The following FLG variants were observed in gnomAD, a reference collection of about 807,000 sequenced individuals.
The protein encoded by FLG is filaggrin.
A neutral mutation model predicts 3.8 loss-of-function variants in FLG; 6 were observed. The observed-to-expected ratio is 1.60, with a 90% CI of 0.87 to 3.15. The LOEUF (loss-of-function observed/expected upper bound fraction) is 3.15. FLG is among the 30% of genes most tolerant of loss of function. The pLI is 0.00. For synonymous variants in FLG, 2,551 were observed against 1,931.6 expected, an observed-to-expected ratio of 1.32 and a Z score of -8.41; for missense variants, 7,595 against 5,050.9, an observed-to-expected ratio of 1.50 and a Z score of -15.27.
rs201416506 is a variant in FLG at position 152,313,075 on chromosome 1, C to A, written c.1811G>T (p.Gly604Val). ...CCTGGGCCCCGATGATTGTCCCTGG[C>A]CCACCTGTGAGTGTCTAGAGCTGTC... ...QADSSRHSQVGQGQSSGPRTS... is the reference protein window; with the variant it reads ...QADSSRHSQVVQGQSSGPRTS... Residue 604 changes from glycine (G) to valine (V), a missense_variant, in exon 3 of 3, where the codon GGC (glycine) becomes GTC (valine). By Grantham distance (109) the Gly-to-Val change is moderately radical. Coordinates refer to ENST00000368799, the MANE Select transcript of FLG (RefSeq NM_002016.2). 5 of 1,613,958 alleles carry A rather than the reference C, an allele frequency of 3.1e-6. No individual in the cohort carries two copies. The highest frequency in any genetic ancestry group is 3.3e-5 in the Admixed American group (2 of 60,008).
Position 152,310,880 on chromosome 1 carries a change from A to G in FLG, c.4006T>C (p.Ser1336Pro), listed in dbSNP as rs765966661. Residue 1336 changes from serine (S) to proline (P), a missense_variant, in exon 3 of 3, where the codon TCT (serine) becomes CCT (proline). Transcript: ENST00000368799. The stretch of plus-strand genomic sequence containing the variant: ...GACACAGCCTGTCCATGAGAGGAAG[A>G]CTCTGTGTGATGAGTGCCTGATTGT... Reference protein sequence around the residue: ...SRQSGTHHTESSSHGQAVSSH... With the variant: ...SRQSGTHHTEPSSHGQAVSSH... The G allele has an allele frequency of 7.3e-5, 117 of 1,612,598 alleles. No homozygotes were observed. The highest frequency in any genetic ancestry group is 9.4e-5 in the Non-Finnish European group (111 of 1,179,678).
intron 1 of FLG, among the ~76,000 whole-genome samples, chr1:152,322,598 A>G (rs933153298): frequency 6.6e-6 from 1 of 151,214 alleles, no homozygotes; most frequent in East Asian, 1.9e-4. Context: ...AGTTGAGATT[A>G]TAAGTGCTGA....
In FLG at chr1:152,306,290, C is replaced by G. The variant is rs551502351; in HGVS notation, c.8596G>C (p.Asp2866His). 10 of 1,603,730 alleles carry G rather than the reference C, an allele frequency of 6.2e-6. No individual in the cohort carries two copies. The South Asian group carries it at 8.8e-5, about 14-fold the overall frequency. Residue 2866 changes from aspartate to histidine, a missense_variant, in exon 3 of 3, where the codon GAC (aspartate) becomes CAC (histidine). Coordinates refer to ENST00000368799, the MANE Select transcript of FLG (RefSeq NM_002016.2). ...SRHHEASTHA[D>H]ISRHSQAVQG... is the part of the protein sequence containing the mutation. ...ACTGCCTGTGAGTGTCTAGAGATGT[C>G]GGCATGAGTGGAAGCTTCATGGTGA...
chr1:152,317,731 C>T (rs550446316), intron 1 of FLG, among the ~76,000 whole-genome samples: 104 of 152,150 alleles, frequency 6.8e-4, no homozygotes, highest in Admixed American at 1.6e-3. Context: ...CACTGACTGT[C>T]CCCTAAACTT....
chr1:152,304,794 A>T lies in FLG; in HGVS notation c.10092T>A (p.His3364Gln). The part of the protein sequence containing the change: ...SVSGHGQAGP[H>Q]QQSHQESARD... The stretch of plus-strand genomic sequence containing the variant: ...GTGCGGACTCTTGGTGGCTCTGCTG[A>T]TGGGGCCCAGCCTGTCCATGGCCTG... The change falls in exon 3 of 3, where the codon CAT (histidine) becomes CAA (glutamine). Residue 3364 changes from histidine (H) to glutamine (Q), a missense_variant. His to Gln is a conservative substitution (Grantham distance 24, BLOSUM62 0). Transcript: ENST00000368799. The T allele has an allele frequency of 6.2e-7, 1 of 1,613,540 alleles. No individual in the cohort carries two copies. The highest frequency in any genetic ancestry group is 1.1e-5 in the South Asian group (1 of 91,012).
chr1:152,302,209 T>A lies in FLG; in HGVS notation c.*491A>T, dbSNP rs1933061. The A allele has an allele frequency of 1, 161,320 of 161,656 alleles. 80,493 individuals carry two copies. Among genetic ancestry groups the A allele is most frequent in the East Asian group, 1 (5,568 of 5,568 alleles). 10.0% of individuals were successfully genotyped at this position (161,656 alleles called of 1,614,324 possible). A position where few individuals can be genotyped will look rare whatever the true frequency, so the allele number is the denominator to read the frequency against. On this transcript the variant is annotated 3_prime_UTR_variant, in exon 3 of 3. Coordinates refer to ENST00000368799, the MANE Select transcript of FLG (RefSeq NM_002016.2). ...TTTTTAATTTAGATGCAGCTTACTA[T>A]AATATTAATTATGTCCAAGATGATT...
At chr1:152,316,193 A>G (rs1345050213) in intron 1 of FLG, among the ~76,000 whole-genome samples, 1 of 152,192 alleles carries the variant, frequency 6.6e-6, no homozygotes, top group Non-Finnish European at 1.5e-5. Flanking sequence ...TGAAACTAAA[A>G]TACTGTAGAA....
Position 152,309,002 on chromosome 1 carries a change from CG to C in FLG, c.5883del (p.His1961GlnfsTer134). The stretch of plus-strand genomic sequence containing the variant: ...GAGTGCCCGTGACCGGCTCTGTCTT[CG>C]TGATGGGACCCAGGGTGTCTGGAGC... ...RDGSRHPGSH[H>X]EDRAGHGHSA... is the part of the protein sequence containing the mutation. On this transcript the variant is annotated frameshift_variant, in exon 3 of 3. Coordinates refer to ENST00000368799, the MANE Select transcript of FLG (RefSeq NM_002016.2). LOFTEE classifies it low-confidence loss of function (END_TRUNC). 6.2e-7 allele frequency: 1 copy of C among 1,614,126 alleles called. No individual in the cohort carries two copies.
At position 152,309,697 on chromosome 1, in the gene FLG, T is replaced by A. The variant is rs1480574966; in HGVS notation, c.5189A>T (p.Asp1730Val). Residue 1730 changes from aspartate to valine, a missense_variant, in exon 3 of 3, where the codon GAC (aspartate) becomes GTC (valine). Physicochemically the swap from Asp to Val is radical, Grantham distance 152 (BLOSUM62 -3). Coordinates refer to ENST00000368799, the MANE Select transcript of FLG (RefSeq NM_002016.2). ...SDSEGHSEES[D>V]TQSVSAHGQA... is the part of the protein sequence containing the mutation. ...TCCGTGGGCTGACACTGACTGTGTG[T>A]CTGACTCTTCTGAGTGTCCCTCGCT... is the stretch of plus-strand genomic sequence containing the variant. The A allele has an allele frequency of 6.2e-7, 1 of 1,614,018 alleles. No homozygotes were observed. The highest frequency in any genetic ancestry group is 1.7e-5 in the Admixed American group (1 of 60,018).
chr1:152,323,834 G>T (rs1653058351), intron 1 of FLG, among the ~76,000 whole-genome samples: 1 of 151,734 alleles, frequency 6.6e-6, no homozygotes, highest in Non-Finnish European at 1.5e-5. Flanking sequence ...ACAAAAAAGT[G>T]CATAGCCCTA....
intron 2 of FLG, among the ~76,000 whole-genome samples, chr1:152,315,115 T>C (rs1652731927): frequency 6.6e-6 from 1 of 152,148 alleles, no homozygotes; most frequent in Non-Finnish European, 1.5e-5. Flanking sequence ...TAAATATTTA[T>C]ATTTTTTTCT....
intron 1 of FLG, among the ~76,000 whole-genome samples, chr1:152,324,555 C>T (rs755765877): frequency 6.6e-6 from 1 of 151,986 alleles, no homozygotes; most frequent in East Asian, 1.9e-4. Context: ...AAAGCACTTT[C>T]CTCCTCCCTC....
At position 152,303,682 on chromosome 1, in the gene FLG, T is replaced by C. The variant is rs765292962; in HGVS notation, c.11204A>G (p.Gln3735Arg). The change falls in exon 3 of 3, where the codon CAA becomes CGA. Residue 3735 changes from glutamine (Q) to arginine (R), a missense_variant. By Grantham distance (43) the Gln-to-Arg change is conservative. Coordinates refer to ENST00000368799, the MANE Select transcript of FLG (RefSeq NM_002016.2). ...GRAGPSTGGRQGSRHEQARDS... is the reference protein window; with the variant it reads ...GRAGPSTGGRRGSRHEQARDS... Reference sequence around the variant, plus strand: ...TCGTGCCTGCTCGTGGCGGGATCCTTGTCTTCCTCCAGTACTGGGCCCAGC... The same window carrying C: ...TCGTGCCTGCTCGTGGCGGGATCCTCGTCTTCCTCCAGTACTGGGCCCAGC... 1.2e-6 allele frequency: 2 copies of C among 1,614,080 alleles called. No homozygotes were observed. The highest frequency in any genetic ancestry group is 1.7e-6 in the Non-Finnish European group (2 of 1,179,972).
intron 1 of FLG, among the ~76,000 whole-genome samples, chr1:152,319,318 G>A (rs907484637): frequency 6.6e-6 from 1 of 150,902 alleles, no homozygotes. Flanking sequence ...ATGTGTGTGT[G>A]TGTGTGTGTG....
Position 152,308,661 on chromosome 1 carries a change from G to A in FLG, c.6225C>T (p.Ser2075=), listed in dbSNP as rs149955442. ...AGCTTTCCCCTGACTGGCCACGTGC[G>A]GACTCTTTGTGGCTCTGCTGATGGG... The part of the protein sequence containing the change: ...AGPHQQSHKE[S]ARGQSGESSG... Residue 2075 remains serine, a synonymous_variant, in exon 3 of 3, where the codon TCC becomes TCT. Coordinates refer to ENST00000368799, the MANE Select transcript of FLG (RefSeq NM_002016.2). 2,041 of 1,614,104 alleles carry A rather than the reference G, an allele frequency of 1.3e-3. 22 individuals are homozygous for A. In the South Asian group the frequency reaches 0.013, roughly 10 times the overall value.
chr1:152,318,845 A>G (rs950857140), intron 1 of FLG, among the ~76,000 whole-genome samples: 5 of 151,876 alleles, frequency 3.3e-5, no homozygotes, highest in Non-Finnish European at 5.9e-5. Context: ...TAATTCAACA[A>G]TTAGATATTG....
Position 152,311,411 on chromosome 1 carries a change from G to A in FLG, c.3475C>T (p.Gln1159Ter). The A allele has an allele frequency of 6.2e-7, 1 of 1,613,776 alleles. No homozygotes were observed. The highest frequency in any genetic ancestry group is 8.5e-7 in the Non-Finnish European group (1 of 1,179,936). ...GCACGAATGGTGTCCTGACCCTCTTGGGACGCTGAGTGCCTGGAGCTGTCT... is the reference window on the plus strand; with the variant it reads ...GCACGAATGGTGTCCTGACCCTCTTAGGACGCTGAGTGCCTGGAGCTGTCT... ...ARDSSRHSAS[Q>*]EGQDTIRAHP... The change falls in exon 3 of 3, where the codon CAA becomes TAA. Residue 1159 changes from glutamine (Q) to a stop codon, truncating the protein, a stop_gained. Coordinates refer to ENST00000368799, the MANE Select transcript of FLG (RefSeq NM_002016.2). LOFTEE classifies it low-confidence loss of function (END_TRUNC).
At position 152,311,145 on chromosome 1, in the gene FLG, A is replaced by T; in HGVS notation, c.3741T>A (p.Ser1247=). 1 of 1,613,708 alleles carries T rather than the reference A, an allele frequency of 6.2e-7. No homozygotes were observed. Among genetic ancestry groups the T allele is most frequent in the South Asian group, 1.1e-5 (1 of 91,042 alleles). Residue 1247 remains serine, a synonymous_variant, in exon 3 of 3, where the codon TCT becomes TCA. Coordinates refer to ENST00000368799, the MANE Select transcript of FLG (RefSeq NM_002016.2). ...HHEAASWADS[S]RHSQVGQEQS... is the part of the protein sequence containing the mutation. ...GTTCCTGTCCCACCTGTGAGTGTCT[A>T]GAGCTGTCAGCCCAAGAGGCAGCTT...
In FLG at chr1:152,312,459, C is replaced by T. The variant is rs745516434; in HGVS notation, c.2427G>A (p.Trp809Ter). ...THKQSESSHG[W>*]TGPSTGVRQG... Reference sequence around the variant, plus strand: ...GTCTTACTCCAGTGCTGGGCCCTGTCCATCCATGGGAGGACTCAGACTGTT... The same window carrying T: ...GTCTTACTCCAGTGCTGGGCCCTGTTCATCCATGGGAGGACTCAGACTGTT... The change falls in exon 3 of 3, where the codon TGG becomes TGA. Residue 809 changes from tryptophan to a stop codon, truncating the protein, a stop_gained. Transcript: ENST00000368799. LOFTEE classifies it low-confidence loss of function (END_TRUNC). 1.9e-6 allele frequency: 3 copies of T among 1,613,508 alleles called. No individual in the cohort carries two copies. Among genetic ancestry groups the T allele is most frequent in the Admixed American group, 1.7e-5 (1 of 59,952 alleles).
Sources: allele counts gnomAD v4.1 joint callset (sites outside exome capture counted in the v4.1 genomes callset), GRCh38; gene constraint gnomAD v4.1.1; transcripts MANE v1.5; gene names NCBI Gene and HGNC (gene_info 2026-07-23, HGNC 2026-07-21).